Variants in ECT2L observed in about 807,000 individuals in gnomAD.
ECT2L encodes the protein epithelial cell-transforming sequence 2 oncogene-like.
ECT2L carries 126 observed loss-of-function variants against 122.8 expected under a neutral mutation model. That is an observed-to-expected ratio of 1.03 (90% CI 0.89 to 1.19). The LOEUF (loss-of-function observed/expected upper bound fraction) is 1.19, where lower values mean the gene tolerates loss of function less well. Among genes scored for constraint, ECT2L ranks in the 50% most tolerant of loss-of-function variants. The pLI, the probability that ECT2L is intolerant of heterozygous loss-of-function variation, is 0.00. For missense variants in ECT2L, 1,012 were observed against 1,064.1 expected (o/e 0.95, Z 0.68); for synonymous variants, 385 against 381.8 (o/e 1.01, Z -0.10).
At chr6:138,816,396 TG>T (rs755206947) in intron 4 of ECT2L, among the ~76,000 whole-genome samples, 1 of 151,412 alleles carries the variant, frequency 6.6e-6, no homozygotes, top group Non-Finnish European at 1.5e-5. Flanking sequence ...TTTTTTTTTT[TG>T]TTTGTTTGTT....
At chr6:138,837,650 AAAAAAACAACAATT>A (rs1260168474) in intron 4 of ECT2L, among the ~76,000 whole-genome samples, 1 of 151,858 alleles carries the variant, frequency 6.6e-6, no homozygotes, top group Admixed American at 6.6e-5. Context: ...TCAAAAAAAA[AAAAAAACAACAATT>A]AAAAAAACCC....
Position 138,849,445 on chromosome 6 carries a change from G to A in ECT2L, c.1069+11G>A. ...TCAATTTACTCCAAGGTAGGCCTGG[G>A]GATTGGCGGATGAACAACCATGGAA... On this transcript the variant is annotated intron_variant, in intron 9 of 21. Transcript: ENST00000541398. 6.2e-7 allele frequency: 1 copy of A among 1,608,970 alleles called. No homozygotes were observed. Among genetic ancestry groups the A allele is most frequent in the Non-Finnish European group, 8.5e-7 (1 of 1,177,598 alleles).
chr6:138,876,921 T>C (rs1477725092), intron 14 of ECT2L, among the ~76,000 whole-genome samples: 1 of 152,176 alleles, frequency 6.6e-6, no homozygotes, highest in African/African-American at 2.4e-5. Flanking sequence ...AAAAGTTGAA[T>C]CTAATGAACA....
At chr6:138,894,845 G>A (rs1224634279) in intron 20 of ECT2L, among the ~76,000 whole-genome samples, 1 of 152,134 alleles carries the variant, frequency 6.6e-6, no homozygotes, top group African/African-American at 2.4e-5. Flanking sequence ...CCCAAGCTTA[G>A]CCCAAATAAA....
In ECT2L at chr6:138,864,002, T is replaced by TAAAAAAAAAAAAAAA. The variant is rs1172466449; in HGVS notation, c.1292-981_1292-967dup. Among the ~76,000 whole-genome samples, 3 of 55,872 alleles carry TAAAAAAAAAAAAAAA rather than the reference T, an allele frequency of 5.4e-5. 1 individual carries two copies. The highest frequency in any genetic ancestry group is 2.3e-4 in the African/African-American group (3 of 12,776). The allele number at this position is 55,872 out of a possible 152,430, so 36.7% of individuals were successfully genotyped here. ...CTCTCTTGTTCTCATTCTCCGTATT[T>TAAAAAAAAAAAAAAA]AAAAAAAAAAAAAAAAAAAAAAAAA... On this transcript the variant is annotated intron_variant, in intron 11 of 21. Coordinates refer to ENST00000541398, the MANE Select transcript of ECT2L (RefSeq NM_001077706.3).
chr6:138,849,842 C>A (rs1777370783), intron 9 of ECT2L, among the ~76,000 whole-genome samples: 1 of 152,162 alleles, frequency 6.6e-6, no homozygotes, highest in African/African-American at 2.4e-5. Flanking sequence ...GGGTGAGCCA[C>A]CACACCCCAG....
In ECT2L at chr6:138,886,877, G is replaced by A; in HGVS notation, c.2280G>A (p.Met760Ile). 1 of 1,613,490 alleles carries A rather than the reference G, an allele frequency of 6.2e-7. No homozygotes were observed. Among genetic ancestry groups the A allele is most frequent in the Non-Finnish European group, 8.5e-7 (1 of 1,179,762 alleles). The change falls in exon 19 of 22, where the codon ATG becomes ATA. Residue 760 changes from methionine to isoleucine, a missense_variant. Coordinates refer to ENST00000541398, the MANE Select transcript of ECT2L (RefSeq NM_001077706.3). Reference sequence around the variant, plus strand: ...CCTAGATGAAGCAAAACATCACTATGAAGGATCATCTGTCAGATATACAGA... The same window carrying A: ...CCTAGATGAAGCAAAACATCACTATAAAGGATCATCTGTCAGATATACAGA... ...YIDQMKQNIT[M>I]KDHLSDIQRI...
intron 1 of ECT2L, among the ~76,000 whole-genome samples, chr6:138,806,356 C>A (rs1372744000): frequency 1.3e-5 from 2 of 152,048 alleles, no homozygotes; most frequent in Non-Finnish European, 2.9e-5. Context: ...GCTATATCCA[C>A]AAGTCTCTTT....
chr6:138,870,604 A>ATGCAAT (rs111908630), intron 13 of ECT2L, among the ~76,000 whole-genome samples: 144,836 of 152,146 alleles, frequency 0.95, 69,000 homozygotes, highest in East Asian at 1. Flanking sequence ...TTTGACATTT[A>ATGCAAT]TGAGCCCTGA....
intron 11 of ECT2L, among the ~76,000 whole-genome samples, chr6:138,864,149 C>T (rs1210804191): frequency 6.6e-6 from 1 of 151,316 alleles, no homozygotes; most frequent in Non-Finnish European, 1.5e-5. Context: ...GGTGAAACCC[C>T]GTCTCTACTA....
chr6:138,815,212 T>G (rs1776027183), intron 4 of ECT2L, among the ~76,000 whole-genome samples: 1 of 152,216 alleles, frequency 6.6e-6, no homozygotes, highest in Non-Finnish European at 1.5e-5. Context: ...CTAGGGGTCA[T>G]TAGCCAGCTC....
chr6:138,885,878 T>C, intron 18 of ECT2L, 48 bp downstream of exon 18: 2 of 1,559,796 alleles, frequency 1.3e-6, no homozygotes, highest in Non-Finnish European at 8.7e-7. Context: ...TTACAATGCC[T>C]TTGTGGTACT....
chr6:138,877,608 C>T (rs190182151), intron 14 of ECT2L, among the ~76,000 whole-genome samples: 2 of 152,230 alleles, frequency 1.3e-5, no homozygotes, highest in Non-Finnish European at 2.9e-5. Context: ...TTAGATATGT[C>T]TAAATAGGTA....
chr6:138,824,687 G>A (rs1255328361), intron 4 of ECT2L, among the ~76,000 whole-genome samples: 2 of 152,114 alleles, frequency 1.3e-5, no homozygotes, highest in Admixed American at 6.5e-5. Context: ...GGAGTGCTCA[G>A]TGTCAGTCAG....
At chr6:138,883,167 T>C (rs78767955) in intron 16 of ECT2L, among the ~76,000 whole-genome samples, 2,207 of 152,360 alleles carry the variant, frequency 0.014, 36 homozygotes, top group Admixed American at 0.048. Context: ...CAGTTGAGCT[T>C]GGAATCCACT....
chr6:138,841,903 C>T (rs1480931421), intron 5 of ECT2L, among the ~76,000 whole-genome samples: 1 of 152,134 alleles, frequency 6.6e-6, no homozygotes, highest in Non-Finnish European at 1.5e-5. Context: ...TTGGCAATAT[C>T]GTACGCTTCA....
At chr6:138,845,395 A>C (rs1777184983) in intron 7 of ECT2L, among the ~76,000 whole-genome samples, 1 of 152,156 alleles carries the variant, frequency 6.6e-6, no homozygotes, top group Admixed American at 6.5e-5. Context: ...GGTGCGCACT[A>C]CCATGCCCAG....
At chr6:138,894,865 T>C (rs1380344562) in intron 20 of ECT2L, among the ~76,000 whole-genome samples, 2 of 152,312 alleles carry the variant, frequency 1.3e-5, no homozygotes, top group South Asian at 2.1e-4. Context: ...ACTCTACTTA[T>C]ATTGATTTTG....
At chr6:138,843,255 T>A (rs758743065) in intron 6 of ECT2L, 24 bp downstream of exon 6, 5 of 1,539,724 alleles carry the variant, frequency 3.2e-6, no homozygotes, top group Non-Finnish European at 4.4e-6. Context: ...TAAACCTTTA[T>A]ATCTTAGGTA....
Sources: allele counts gnomAD v4.1 joint callset (sites outside exome capture counted in the v4.1 genomes callset), GRCh38; gene constraint gnomAD v4.1.1; transcripts MANE v1.5; gene names NCBI Gene and HGNC (gene_info 2026-07-23, HGNC 2026-07-21).